The following P3H2 variants were observed in gnomAD, a reference collection of about 807,000 sequenced individuals.
P3H2 encodes the protein leprecan-like 1.
Under a neutral mutation model 87.0 loss-of-function variants are expected in P3H2, and 80 were observed. That is an observed-to-expected ratio of 0.92 (90% CI 0.77 to 1.11). The LOEUF (loss-of-function observed/expected upper bound fraction) is 1.11. P3H2 is among the 50% of genes least tolerant of loss of function. The pLI is 0.00. For missense variants in P3H2, 1,001 were observed against 923.9 expected, an observed-to-expected ratio of 1.08 and a Z score of -1.08; for synonymous variants, 367 against 359.3, an observed-to-expected ratio of 1.02 and a Z score of -0.24.
chr3:190,028,220 G>GA (rs950915515), intron 1 of P3H2, among the ~76,000 whole-genome samples: 10 of 152,044 alleles, frequency 6.6e-5, no homozygotes, highest in Admixed American at 2.0e-4. Flanking sequence ...ACTTTTAAAG[G>GA]AAAAAATTAC....
Position 190,106,012 on chromosome 3 carries a change from T to C in P3H2, c.480+14240A>G, listed in dbSNP as rs866858124. Among the ~76,000 whole-genome samples the C allele has an allele frequency of 6.6e-5, 10 of 152,338 alleles. No individual in the cohort carries two copies. In the Middle Eastern group the frequency reaches 0.027, roughly 415 times the overall value. ...AAGAAATGTTTGTTGATTCTCAAACTTAAGTCATCTCCCATGGGTACAAGA... is the reference window on the plus strand; with the variant it reads ...AAGAAATGTTTGTTGATTCTCAAACCTAAGTCATCTCCCATGGGTACAAGA... On this transcript the variant is annotated intron_variant, in intron 1 of 14. Transcript: ENST00000319332.
chr3:189,995,383 C>T lies in P3H2; in HGVS notation c.540G>A (p.Glu180=), dbSNP rs1477331984. 9.9e-6 allele frequency: 16 copies of T among 1,613,864 alleles called. No individual in the cohort carries two copies. The highest frequency in any genetic ancestry group is 1.3e-5 in the African/African-American group (1 of 74,842). The change falls in exon 2 of 15, where the codon GAG becomes GAA. Residue 180 remains glutamate (E), a synonymous_variant. Coordinates refer to ENST00000319332, the MANE Select transcript of P3H2 (RefSeq NM_018192.4). ...CAATGTTCTGCTGCATTTCCATGTG[C>T]TCAGGGTTAGCCACGAAAAATGTGT... ...AAHTFFVANP[E]HMEMQQNIEN... is the part of the protein sequence containing the mutation.
At chr3:190,076,997 C>T (rs1393297356) in intron 1 of P3H2, among the ~76,000 whole-genome samples, 1 of 152,150 alleles carries the variant, frequency 6.6e-6, no homozygotes, top group Non-Finnish European at 1.5e-5. Flanking sequence ...AACTTTTAAG[C>T]ATCACCTATC....
At chr3:190,063,847 T>A (rs1223718523) in intron 1 of P3H2, among the ~76,000 whole-genome samples, 2 of 152,138 alleles carry the variant, frequency 1.3e-5, no homozygotes, top group Non-Finnish European at 2.9e-5. Flanking sequence ...GCAGCCAATT[T>A]GTTACTTTCT....
At chr3:189,989,411 G>A (rs1347045098) in intron 3 of P3H2, among the ~76,000 whole-genome samples, 1 of 152,064 alleles carries the variant, frequency 6.6e-6, no homozygotes, top group Non-Finnish European at 1.5e-5. Context: ...TATCTTGGAT[G>A]GCTCGAAGTG....
At chr3:190,041,240 C>A (rs1411367878) in intron 1 of P3H2, among the ~76,000 whole-genome samples, 1 of 134,838 alleles carries the variant, frequency 7.4e-6, no homozygotes, top group African/African-American at 2.8e-5. Context: ...CCATTGCACT[C>A]CAGCCTGGGC....
At chr3:190,079,120 C>G (rs1274666277) in intron 1 of P3H2, among the ~76,000 whole-genome samples, 1 of 151,962 alleles carries the variant, frequency 6.6e-6, no homozygotes, top group Non-Finnish European at 1.5e-5. Context: ...GCAGGTGGGC[C>G]ACCTAAGGTC....
intron 1 of P3H2, among the ~76,000 whole-genome samples, chr3:190,073,153 G>C (rs1309938964): frequency 2.6e-5 from 4 of 152,130 alleles, no homozygotes; most frequent in African/African-American, 9.7e-5. Flanking sequence ...ACCTAATTTG[G>C]AATTTTAGTC....
intron 1 of P3H2, among the ~76,000 whole-genome samples, chr3:190,086,972 G>A (rs1727233137): frequency 6.6e-6 from 1 of 152,126 alleles, no homozygotes; most frequent in East Asian, 1.9e-4. Context: ...GATCTGATGT[G>A]GAGCATAAGC....
intron 1 of P3H2, among the ~76,000 whole-genome samples, chr3:190,108,872 T>A (rs1008594873): frequency 2.0e-5 from 3 of 152,242 alleles, no homozygotes; most frequent in African/African-American, 7.2e-5. Flanking sequence ...AGGGGAATTA[T>A]GTCATTTGGT....
intron 9 of P3H2, 86 bp from the exon 10 acceptor site, chr3:189,974,090 G>T: frequency 1.9e-6 from 2 of 1,074,370 alleles, no homozygotes; most frequent in African/African-American, 1.6e-5. Flanking sequence ...AGAAAGCTGA[G>T]AACTCTAGTC....
intron 3 of P3H2, among the ~76,000 whole-genome samples, chr3:189,993,763 GAGA>G (rs1236575375): frequency 6.6e-5 from 10 of 152,134 alleles, no homozygotes; most frequent in South Asian, 4.2e-4. Context: ...GTACTTACGT[GAGA>G]AGAAGTCCAC....
Position 190,051,510 on chromosome 3 carries a change from A to G in P3H2, c.481-56068T>C, listed in dbSNP as rs1234004836. Among the ~76,000 whole-genome samples the G allele has an allele frequency of 3.3e-5, 5 of 152,228 alleles. No homozygotes were observed. In the South Asian group the frequency reaches 1.0e-3, roughly 32 times the overall value. ...TAGCTGTAATAAGAAGTCCTTGCTT[A>G]AAGAAGAGCCAATTTTTACAAGTTA... On this transcript the variant is annotated intron_variant, in intron 1 of 14. Transcript: ENST00000319332.
chr3:189,990,892 T>C (rs140283055), intron 3 of P3H2, among the ~76,000 whole-genome samples: 53 of 152,320 alleles, frequency 3.5e-4, no homozygotes, highest in Non-Finnish European at 5.6e-4. Context: ...GCTACCGACA[T>C]GCTGTGGTGA....
rs767118169 is a variant in P3H2, at chr3:189,958,029, TTC to T, written c.2035-27_2035-26del. 6.0e-5 allele frequency: 92 copies of T among 1,543,658 alleles called. No homozygotes were observed. The African/African-American group carries it at 1.2e-3, about 20-fold the overall frequency. On this transcript the variant is annotated intron_variant, in intron 14 of 14. Coordinates refer to ENST00000319332, the MANE Select transcript of P3H2 (RefSeq NM_018192.4). ...CCTGCAAAAAAGACAATTTACACAT[TTC>T]TGTTACAAGCATAATAATCAGTCTC...
intron 1 of P3H2, among the ~76,000 whole-genome samples, chr3:190,040,697 T>C (rs915202572): frequency 7.9e-5 from 12 of 152,162 alleles, no homozygotes; most frequent in African/African-American, 1.7e-4. Context: ...ACTGCATCAT[T>C]GCCTGTGGAA....
chr3:189,994,648 C>T (rs1182159951), intron 2 of P3H2, among the ~76,000 whole-genome samples: 2 of 135,766 alleles, frequency 1.5e-5, no homozygotes, highest in African/African-American at 2.7e-5. Flanking sequence ...ACTTTTAGGC[C>T]CTGCCTGTGT....
chr3:190,110,476 A>C (rs571283899), intron 1 of P3H2, among the ~76,000 whole-genome samples: 3 of 152,350 alleles, frequency 2.0e-5, no homozygotes, highest in African/African-American at 7.2e-5. Context: ...TCCTATAGAA[A>C]CAATGATTGA....
intron 13 of P3H2, among the ~76,000 whole-genome samples, chr3:189,966,669 T>C (rs1044463669): frequency 6.6e-6 from 1 of 152,250 alleles, no homozygotes; most frequent in African/African-American, 2.4e-5. Context: ...CCGTTTATAC[T>C]GAATTTAATT....
Sources: gnomAD v4.1 joint callset for allele counts (sites outside exome capture counted in the v4.1 genomes callset) on GRCh38, gnomAD v4.1.1 for gene constraint, MANE v1.5 for transcripts, NCBI Gene and HGNC (gene_info 2026-07-23, HGNC 2026-07-21) for gene names.